The following CDCA2 variants were observed in gnomAD, a reference collection of about 807,000 sequenced individuals.
CDCA2 encodes cell division cycle-associated protein 2.
CDCA2 carries 44 observed loss-of-function variants against 67.0 expected under a neutral mutation model. The observed-to-expected ratio is 0.66, with a 90% confidence interval of 0.52 to 0.84. The LOEUF is 0.84. Ranked by LOEUF, CDCA2 falls within the 40% of genes least tolerant of loss-of-function variation. CDCA2 has a pLI of 0.00. For missense variants in CDCA2, 1,253 were observed against 1,203.2 expected, an observed-to-expected ratio of 1.04 and a Z score of -0.61; for synonymous variants, 447 against 418.7, an observed-to-expected ratio of 1.07 and a Z score of -0.82.
At position 25,480,104 on chromosome 8, in the gene CDCA2, A is replaced by T. The variant is rs1396345917; in HGVS notation, c.1012A>T (p.Met338Leu). 1 of 1,613,996 alleles carries T rather than the reference A, an allele frequency of 6.2e-7. No individual in the cohort carries two copies. The highest frequency in any genetic ancestry group is 1.3e-5 in the African/African-American group (1 of 74,918). The change falls in exon 8 of 15, where the codon ATG becomes TTG. Residue 338 changes from methionine (M) to leucine (L), a missense_variant. By Grantham distance (15) the Met-to-Leu change is conservative. Coordinates refer to ENST00000330560, the MANE Select transcript of CDCA2 (RefSeq NM_152562.4). The part of the protein sequence containing the change: ...RSVLKKPSVK[M>L]CLESLQEHCN... ...TGTACTGAAGAAACCCTCTGTTAAG[A>T]TGTGTCTAGAGAGCTTACAGGTAAG...
intron 13 of CDCA2, 112 bp downstream of exon 13, chr8:25,488,801 A>T: frequency 9.4e-7 from 1 of 1,059,672 alleles, no homozygotes; most frequent in Non-Finnish European, 1.3e-6. Flanking sequence ...GACCAAGATT[A>T]TTAATGCAAT....
intron 11 of CDCA2, among the ~76,000 whole-genome samples, chr8:25,486,832 A>G (rs1017765901): frequency 6.6e-6 from 1 of 152,118 alleles, no homozygotes; most frequent in African/African-American, 2.4e-5. Flanking sequence ...ACAAGTGGTC[A>G]AAATAAAATT....
chr8:25,491,914 C>T (rs1804020153), intron 13 of CDCA2, among the ~76,000 whole-genome samples: 1 of 152,174 alleles, frequency 6.6e-6, no homozygotes, highest in African/African-American at 2.4e-5. Context: ...TCTCCTGCCT[C>T]AGCCTCCCAG....
At chr8:25,467,475 A>G (rs1802960950) in intron 5 of CDCA2, among the ~76,000 whole-genome samples, 4 of 152,150 alleles carry the variant, frequency 2.6e-5, no homozygotes, top group African/African-American at 9.7e-5. Context: ...CATCATTATA[A>G]TTCTGCAGAC....
intron 13 of CDCA2, among the ~76,000 whole-genome samples, chr8:25,501,335 A>G (rs536656119): frequency 8.5e-5 from 13 of 152,338 alleles, no homozygotes; most frequent in African/African-American, 3.1e-4. Context: ...GAATCTCACC[A>G]TTAGTTTCAC....
intron 4 of CDCA2, among the ~76,000 whole-genome samples, chr8:25,465,137 T>C (rs538088832): frequency 1.7e-4 from 26 of 152,096 alleles, no homozygotes; most frequent in African/African-American, 5.5e-4. Context: ...CCACGCCTGG[T>C]TAATTTTTGT....
chr8:25,460,026 C>G (rs748031321), intron 1 of CDCA2, among the ~76,000 whole-genome samples: 3 of 152,048 alleles, frequency 2.0e-5, no homozygotes, highest in Non-Finnish European at 2.9e-5. Flanking sequence ...TTGATTATTA[C>G]GAATTGCATG....
intron 7 of CDCA2, among the ~76,000 whole-genome samples, chr8:25,471,396 T>C (rs1784866186): frequency 6.7e-6 from 1 of 148,676 alleles, no homozygotes; most frequent in African/African-American, 2.5e-5. Context: ...AGAGTCTCGC[T>C]CTGTTGACCA....
intron 1 of CDCA2, 39 bp from the exon 2 acceptor site, chr8:25,460,201 T>C (rs1333541840): frequency 1.4e-5 from 22 of 1,596,618 alleles, no homozygotes; most frequent in Non-Finnish European, 1.6e-5. Flanking sequence ...TTCATCTTGC[T>C]GGTGGGGTTA....
chr8:25,487,154 G>C (rs1803808769), intron 11 of CDCA2, 92 bp from the exon 12 acceptor site: 3 of 771,442 alleles, frequency 3.9e-6, no homozygotes, highest in Non-Finnish European at 6.7e-6. Context: ...TGGTATTAAA[G>C]GTGGATATCC....
intron 6 of CDCA2, among the ~76,000 whole-genome samples, chr8:25,469,605 A>G (rs1170084014): frequency 6.6e-6 from 1 of 152,244 alleles, no homozygotes; most frequent in Non-Finnish European, 1.5e-5. Flanking sequence ...CAACAAAAAT[A>G]TATCCTTTAA....
chr8:25,480,231 T>A, intron 8 of CDCA2, 107 bp downstream of exon 8: 1 of 910,316 alleles, frequency 1.1e-6, no homozygotes, highest in Non-Finnish European at 1.6e-6. Context: ...AGGAAATGTC[T>A]TACTCGTCTT....
At chr8:25,470,419 T>C (rs370072655) in intron 7 of CDCA2, among the ~76,000 whole-genome samples, 23 of 152,228 alleles carry the variant, frequency 1.5e-4, no homozygotes, top group African/African-American at 5.3e-4. Flanking sequence ...AAAACTCTTA[T>C]GGGCATATAA....
chr8:25,480,072 TTCGTTC>T lies in CDCA2; in HGVS notation c.982_987del (p.Arg328_Ser329del), dbSNP rs775794545. Reference sequence around the variant, plus strand: ...CTTCCCACCCCCAAGACCTTTGTACTTCGTTCTGTACTGAAGAAACCCTCTGTTAAG... The same window carrying T: ...CTTCCCACCCCCAAGACCTTTGTACTTGTACTGAAGAAACCCTCTGTTAAG... On this transcript the variant is annotated inframe_deletion, in exon 8 of 15. Coordinates refer to ENST00000330560, the MANE Select transcript of CDCA2 (RefSeq NM_152562.4). 4 of 1,614,186 alleles carry T rather than the reference TTCGTTC, an allele frequency of 2.5e-6. No individual in the cohort carries two copies. In the Admixed American group the frequency reaches 6.7e-5, roughly 27 times the overall value.
chr8:25,465,953 A>G (rs1156671659), intron 4 of CDCA2, among the ~76,000 whole-genome samples: 1 of 152,110 alleles, frequency 6.6e-6, no homozygotes, highest in Non-Finnish European at 1.5e-5. Flanking sequence ...CCTTCCATAT[A>G]ATCTTAGGCT....
At chr8:25,478,256 T>C (rs1803426349) in intron 7 of CDCA2, among the ~76,000 whole-genome samples, 1 of 152,158 alleles carries the variant, frequency 6.6e-6, no homozygotes, top group Admixed American at 6.5e-5. Context: ...AAATGAAACT[T>C]GTAATCGCAT....
At chr8:25,460,595 T>A (rs1563255967) in intron 3 of CDCA2, 41 bp downstream of exon 3, 1 of 1,565,022 alleles carries the variant, frequency 6.4e-7, no homozygotes. Context: ...TTTTCAAGTT[T>A]AAAAATAACT....
intron 7 of CDCA2, among the ~76,000 whole-genome samples, chr8:25,475,524 G>A (rs117264097): frequency 0.016 from 2,368 of 152,096 alleles, 26 homozygotes; most frequent in Middle Eastern, 0.031. Context: ...CTCAAACAAA[G>A]GAATGCGAAT....
intron 4 of CDCA2, among the ~76,000 whole-genome samples, chr8:25,462,957 C>T (rs1187106557): frequency 6.6e-6 from 1 of 152,208 alleles, no homozygotes; most frequent in Admixed American, 6.5e-5. Context: ...GTGTGTGCCA[C>T]AGTGCTCAAC....
Sources: allele counts gnomAD v4.1 joint callset (sites outside exome capture counted in the v4.1 genomes callset), GRCh38; gene constraint gnomAD v4.1.1; transcripts MANE v1.5; gene names NCBI Gene and HGNC (gene_info 2026-07-23, HGNC 2026-07-21).